Variants in ANAPC4 observed in about 807,000 individuals in gnomAD.
The protein encoded by ANAPC4 is anaphase promoting complex subunit 4, also known as anaphase-promoting complex subunit 4.
A neutral mutation model predicts 119.8 loss-of-function variants in ANAPC4; 63 were observed. The observed-to-expected ratio is 0.53, with a 90% CI of 0.43 to 0.65. The LOEUF (loss-of-function observed/expected upper bound fraction) is 0.65. Among genes scored for constraint, ANAPC4 ranks in the 30% least tolerant of loss-of-function variants. The pLI is 0.00. For synonymous variants in ANAPC4, 283 were observed against 318.6 expected (o/e 0.89, Z 1.19); for missense variants, 716 against 945.1 (o/e 0.76, Z 3.18).
chr4:25,410,962 T>C (rs1449568758), intron 21 of ANAPC4, among the ~76,000 whole-genome samples: 1 of 151,836 alleles, frequency 6.6e-6, no homozygotes, highest in African/African-American at 2.4e-5. Flanking sequence ...ACTCAACCTA[T>C]AGCAATTTCT....
chr4:25,385,960 C>T (rs968123712), intron 4 of ANAPC4, among the ~76,000 whole-genome samples: 3 of 152,016 alleles, frequency 2.0e-5, no homozygotes, highest in Non-Finnish European at 2.9e-5. Context: ...GACGGAGTTT[C>T]GCTCTTATTG....
rs534391804 is a variant in ANAPC4, at chr4:25,400,531, G to C, written c.1215-2440G>C. On this transcript the variant is annotated intron_variant, in intron 16 of 28. Transcript: ENST00000315368. The stretch of plus-strand genomic sequence containing the variant: ...ATACAAGGAGAGCTGTGAAGCAGCT[G>C]TCTAGTCCAGCAGGAGATCGAGTGC... Among the ~76,000 whole-genome samples the C allele has an allele frequency of 4.6e-5, 7 of 152,292 alleles. No individual in the cohort carries two copies. The East Asian group carries it at 1.2e-3, about 25-fold the overall frequency.
At position 25,418,334 on chromosome 4, in the gene ANAPC4, A is replaced by G; in HGVS notation, c.2379A>G (p.Pro793=). 1 of 1,614,118 alleles carries G rather than the reference A, an allele frequency of 6.2e-7. No homozygotes were observed. Among genetic ancestry groups the G allele is most frequent in the Non-Finnish European group, 8.5e-7 (1 of 1,179,958 alleles). ...NQQAGAAALA[P]EIVIKVEKLD... is the part of the protein sequence containing the mutation. ...AAGCTGGTGCTGCCGCTTTAGCTCC[A>G]GAGATAGTCATTAAAGTGGAAAAAC... The change falls in exon 29 of 29, where the codon CCA becomes CCG. Residue 793 remains proline, a synonymous_variant. Transcript: ENST00000315368.
intron 17 of ANAPC4, among the ~76,000 whole-genome samples, chr4:25,403,702 T>C (rs1490595422): frequency 6.6e-6 from 1 of 152,192 alleles, no homozygotes; most frequent in African/African-American, 2.4e-5. Context: ...TTTGGTTCCT[T>C]AGCCATACTG....
Position 25,409,731 on chromosome 4 carries a change from C to T in ANAPC4, c.1465C>T (p.Pro489Ser), listed in dbSNP as rs944460543. The change falls in exon 21 of 29, where the codon CCC (proline) becomes TCC (serine). Residue 489 changes from proline to serine, a missense_variant. Around this residue, in one of 3 missense-constraint regions of ANAPC4, gnomAD observed 504 missense variants for 615.8 expected, o/e 0.82. Transcript: ENST00000315368. ...LKDEDDDLVSPPNTEGNQWYD... is the reference protein window; with the variant it reads ...LKDEDDDLVSSPNTEGNQWYD... Reference sequence around the variant, plus strand: ...AGATGAAGATGATGATCTTGTGTCACCCCCTAACACAGAAGGAAACCAGTG... The same window carrying T: ...AGATGAAGATGATGATCTTGTGTCATCCCCTAACACAGAAGGAAACCAGTG... 5.0e-6 allele frequency: 8 copies of T among 1,612,354 alleles called. No homozygotes were observed. The highest frequency in any genetic ancestry group is 1.1e-5 in the South Asian group (1 of 90,964).
Position 25,380,396 on chromosome 4 carries a change from G to A in ANAPC4, c.152G>A (p.Ser51Asn), listed in dbSNP as rs753054846. 2.5e-6 allele frequency: 4 copies of A among 1,613,080 alleles called. No homozygotes were observed. The highest frequency in any genetic ancestry group is 1.3e-5 in the African/African-American group (1 of 74,912). The change falls in exon 3 of 29, where the codon AGT (serine) becomes AAT (asparagine). Residue 51 changes from serine to asparagine, a missense_variant. By Grantham distance (46) the Ser-to-Asn change is conservative (BLOSUM62 1). Around this residue, in one of 3 missense-constraint regions of ANAPC4, gnomAD observed 202 missense variants for 293.5 expected, o/e 0.69. Transcript: ENST00000315368. Reference protein sequence around the residue: ...AGEVLLHRLASFHRVWSFPPN... With the variant: ...AGEVLLHRLANFHRVWSFPPN... Reference sequence around the variant, plus strand: ...TAGGTTTTACTTCATCGACTGGCAAGTTTTCATCGAGTTTGGAGTTTTCCA... The same window carrying A: ...TAGGTTTTACTTCATCGACTGGCAAATTTTCATCGAGTTTGGAGTTTTCCA...
At chr4:25,409,997 A>ATAGT in intron 21 of ANAPC4, among the ~76,000 whole-genome samples, 1 of 152,360 alleles carries the variant, frequency 6.6e-6, no homozygotes, top group East Asian at 1.9e-4. Context: ...GAAGTTAACT[A>ATAGT]CGCTGTAGGA....
intron 4 of ANAPC4, among the ~76,000 whole-genome samples, chr4:25,383,887 A>C (rs1721884903): frequency 6.6e-6 from 1 of 152,332 alleles, no homozygotes; most frequent in South Asian, 2.1e-4. Flanking sequence ...GGGTGGTGGC[A>C]GCCGAAGGTT....
chr4:25,394,423 T>A, intron 12 of ANAPC4, 49 bp downstream of exon 12: 1 of 1,463,204 alleles, frequency 6.8e-7, no homozygotes, highest in Non-Finnish European at 9.2e-7. Context: ...TTTTTAACAG[T>A]AATTATTTAT....
At chr4:25,384,575 C>T (rs557797386) in intron 4 of ANAPC4, among the ~76,000 whole-genome samples, 7 of 152,254 alleles carry the variant, frequency 4.6e-5, no homozygotes, top group Admixed American at 4.6e-4. Flanking sequence ...TGCCTGTAAT[C>T]CCAGCACTTT....
At chr4:25,412,733 A>T (rs982446681) in intron 21 of ANAPC4, among the ~76,000 whole-genome samples, 3 of 150,576 alleles carry the variant, frequency 2.0e-5, no homozygotes, top group African/African-American at 7.4e-5. Context: ...CCTGGGCAAC[A>T]GAATGAGACT....
At position 25,414,654 on chromosome 4, in the gene ANAPC4, T is replaced by G. The variant is rs762659013; in HGVS notation, c.1780T>G (p.Ser594Ala). ...TCTTCTTTTTACTATTCTAGAAGAT[T>G]CACTTTATAAAATGTGCATCTTAAG... Reference protein sequence around the residue: ...HYLLFTILEDSLYKMCILRRH... With the variant: ...HYLLFTILEDALYKMCILRRH... Residue 594 changes from serine (S) to alanine (A), a missense_variant, in exon 25 of 29, where the codon TCA (serine) becomes GCA (alanine). Ser to Ala is a moderately conservative substitution (Grantham distance 99, BLOSUM62 1). Around this residue, in one of 3 missense-constraint regions of ANAPC4, gnomAD observed 504 missense variants for 615.8 expected, o/e 0.82. Transcript: ENST00000315368. The G allele has an allele frequency of 2.3e-5, 35 of 1,551,140 alleles. No individual in the cohort carries two copies. Among genetic ancestry groups the G allele is most frequent in the African/African-American group, 4.1e-5 (3 of 72,420 alleles).
chr4:25,416,281 C>G, intron 26 of ANAPC4, 144 bp from the exon 27 acceptor site: 1 of 468,456 alleles, frequency 2.1e-6, no homozygotes. Context: ...TTAATACAAA[C>G]CAATGATATA....
chr4:25,410,854 A>G (rs1351641582), intron 21 of ANAPC4, among the ~76,000 whole-genome samples: 3 of 152,194 alleles, frequency 2.0e-5, no homozygotes, highest in Non-Finnish European at 4.4e-5. Context: ...TTTAGACTTG[A>G]GTTCCATCCC....
intron 4 of ANAPC4, among the ~76,000 whole-genome samples, chr4:25,385,064 C>G (rs1721959025): frequency 6.6e-6 from 1 of 152,084 alleles, no homozygotes; most frequent in Non-Finnish European, 1.5e-5. Context: ...ATTTATAGAA[C>G]ACAGATGGGA....
intron 2 of ANAPC4, among the ~76,000 whole-genome samples, chr4:25,377,859 ATTAG>A (rs770497901): frequency 6.6e-6 from 1 of 152,238 alleles, no homozygotes; most frequent in Non-Finnish European, 1.5e-5. Flanking sequence ...TCATTGGTTT[ATTAG>A]TTAAATGAAC....
At position 25,394,684 on chromosome 4, in the gene ANAPC4, A is replaced by T; in HGVS notation, c.955A>T (p.Thr319Ser). 6.3e-7 allele frequency: 1 copy of T among 1,599,674 alleles called. No individual in the cohort carries two copies. Among genetic ancestry groups the T allele is most frequent in the Non-Finnish European group, 8.5e-7 (1 of 1,175,828 alleles). ...LWGKASAELQ[T>S]LLMNQLTVKG... ...TTTTCATTGTAGTGCTGAACTTCAG[A>T]CTCTCTTGATGAATCAGTTAACAGT... is the stretch of plus-strand genomic sequence containing the variant. The change falls in exon 13 of 29, where the codon ACT becomes TCT. Residue 319 changes from threonine (T) to serine (S), a missense_variant. Thr to Ser is a moderately conservative substitution (Grantham distance 58). Transcript: ENST00000315368.
chr4:25,413,943 G>A, intron 22 of ANAPC4: 1 of 531,176 alleles, frequency 1.9e-6, no homozygotes, highest in Admixed American at 3.6e-5. Context: ...GTGTGTGTGT[G>A]TGTGTGTGTA....
At chr4:25,412,665 C>T (rs542350587) in intron 21 of ANAPC4, among the ~76,000 whole-genome samples, 8 of 151,876 alleles carry the variant, frequency 5.3e-5, no homozygotes, top group South Asian at 4.2e-4. Flanking sequence ...GCAGGAGAAT[C>T]GCTTGAATCC....
Sources: allele counts gnomAD v4.1 joint callset (sites outside exome capture counted in the v4.1 genomes callset), GRCh38; gene constraint gnomAD v4.1.1; regional missense constraint gnomAD v4.1.1; transcripts MANE v1.5; gene names NCBI Gene and HGNC (gene_info 2026-07-23, HGNC 2026-07-21).